Variants in CNTNAP2 observed in about 807,000 individuals in gnomAD.
The protein encoded by CNTNAP2 is contactin-associated protein-like 2.
CNTNAP2 carries 98 observed loss-of-function variants against 155.2 expected under a neutral mutation model. The ratio of observed to expected loss-of-function variants is 0.63; its 90% confidence interval spans 0.54 to 0.75. The LOEUF is 0.75. CNTNAP2 is among the 30% of genes least tolerant of loss of function. The pLI is 0.00. For missense variants in CNTNAP2, 1,727 were observed against 1,688.1 expected (o/e 1.02, Z -0.40); for synonymous variants, 651 against 631.2 (o/e 1.03, Z -0.47).
chr7:146,685,936 T>A (rs1800590258), intron 1 of CNTNAP2, among the ~76,000 whole-genome samples: 1 of 152,158 alleles, frequency 6.6e-6, no homozygotes, highest in Non-Finnish European at 1.5e-5. Context: ...GCAAATGTAT[T>A]TGGTTCTTCT....
intron 2 of CNTNAP2, among the ~76,000 whole-genome samples, chr7:146,807,866 T>C (rs771801946): frequency 6.6e-6 from 1 of 152,166 alleles, no homozygotes; most frequent in South Asian, 2.1e-4. Flanking sequence ...GTCTGCCCAC[T>C]CCTTCCTTTG....
Position 147,132,334 on chromosome 7 carries a change from C to G in CNTNAP2, c.1173C>G (p.Asn391Lys), listed in dbSNP as rs796052370. 3.1e-6 allele frequency: 5 copies of G among 1,613,616 alleles called. No homozygotes were observed. The highest frequency in any genetic ancestry group is 4.2e-6 in the Non-Finnish European group (5 of 1,179,822). Residue 391 changes from asparagine to lysine, a missense_variant, in exon 8 of 24, where the codon AAC (asparagine) becomes AAG (lysine). Physicochemically the swap from Asn to Lys is moderately conservative, Grantham distance 94. Transcript: ENST00000361727. ...ACCTGGAGGTGCCCGGACGGCTTAA[C>G]CAGGACCTGTTCTCAGTCAGTTTCC... The part of the protein sequence containing the change: ...TSYLEVPGRL[N>K]QDLFSVSFQF...
chr7:147,008,026 T>C (rs544175299), intron 3 of CNTNAP2, among the ~76,000 whole-genome samples: 2 of 152,306 alleles, frequency 1.3e-5, no homozygotes, highest in Non-Finnish European at 2.9e-5. Flanking sequence ...TAATACATTA[T>C]TGCATATCAA....
intron 1 of CNTNAP2, among the ~76,000 whole-genome samples, chr7:146,182,779 A>G (rs184628820): frequency 2.6e-5 from 4 of 152,280 alleles, no homozygotes; most frequent in Admixed American, 2.0e-4. Flanking sequence ...AGCCTCACAC[A>G]TCGAACTTCC....
In CNTNAP2 at chr7:146,647,510, T is replaced by C. The variant is rs115852706; in HGVS notation, c.98-126761T>C. ...TTGGTTGTTACTAGGCCATTAAAAA[T>C]CTTATAAAACATTAATTGTTTAATC... On this transcript the variant is annotated intron_variant, in intron 1 of 23. Transcript: ENST00000361727. 7.4e-3 allele frequency among the ~76,000 whole-genome samples: 1,129 copies of C among 152,266 alleles called. 10 individuals are homozygous for C. Among genetic ancestry groups the C allele is most frequent in the African/African-American group, 0.026 (1,075 of 41,564 alleles).
chr7:146,418,325 C>T (rs1795965554), intron 1 of CNTNAP2, among the ~76,000 whole-genome samples: 1 of 152,018 alleles, frequency 6.6e-6, no homozygotes, highest in Admixed American at 6.6e-5. Context: ...ACTTGACCTC[C>T]CTTAAATAAC....
At chr7:147,636,316 A>G (rs1356049530) in intron 12 of CNTNAP2, among the ~76,000 whole-genome samples, 1 of 152,208 alleles carries the variant, frequency 6.6e-6, no homozygotes, top group Non-Finnish European at 1.5e-5. Context: ...TAGAAGATGA[A>G]GTCACTTGTC....
chr7:146,490,686 C>A (rs1245063139), intron 1 of CNTNAP2, among the ~76,000 whole-genome samples: 1 of 152,106 alleles, frequency 6.6e-6, no homozygotes, highest in Non-Finnish European at 1.5e-5. Context: ...TTTGTTAATA[C>A]ATAATTGATT....
chr7:147,893,057 A>G (rs919246375), intron 13 of CNTNAP2, among the ~76,000 whole-genome samples: 2 of 152,184 alleles, frequency 1.3e-5, no homozygotes, highest in African/African-American at 4.8e-5. Flanking sequence ...ACTCCACAGG[A>G]TTTTATCTTG....
In CNTNAP2 at chr7:146,864,925, G is replaced by C. The variant is rs574098573; in HGVS notation, c.402+25021G>C. Among the ~76,000 whole-genome samples the C allele has an allele frequency of 5.3e-4, 78 of 147,174 alleles. 6 individuals carry two copies. The South Asian group carries it at 0.016, about 30-fold the overall frequency. On this transcript the variant is annotated intron_variant, in intron 3 of 23. Coordinates refer to ENST00000361727, the MANE Select transcript of CNTNAP2 (RefSeq NM_014141.6). ...AGGTAGGAAGCTCATTTGCTCCCAG[G>C]AGTTCAAGGTTGCAGTGAGGTATGA...
chr7:146,563,184 T>C (rs1461555146), intron 1 of CNTNAP2, among the ~76,000 whole-genome samples: 2 of 152,204 alleles, frequency 1.3e-5, no homozygotes, highest in Non-Finnish European at 2.9e-5. Flanking sequence ...CACAGCCAAA[T>C]GTTTTGTTTC....
At chr7:148,117,237 G>T (rs902957417) in intron 15 of CNTNAP2, among the ~76,000 whole-genome samples, 2 of 152,180 alleles carry the variant, frequency 1.3e-5, no homozygotes, top group African/African-American at 2.4e-5. Context: ...AAGGACAGAG[G>T]CTGGCTGAGA....
At chr7:148,010,316 T>C (rs73466144) in intron 15 of CNTNAP2, among the ~76,000 whole-genome samples, 3,577 of 151,840 alleles carry the variant, frequency 0.024, 165 homozygotes, top group African/African-American at 0.081. Flanking sequence ...TGTCTTGTCT[T>C]TTTATTTGAA....
chr7:148,076,422 CTTTTTTTTTTTTTTTTT>C (rs771048326), intron 15 of CNTNAP2, among the ~76,000 whole-genome samples: 6 of 49,804 alleles, frequency 1.2e-4, no homozygotes, highest in East Asian at 8.0e-4. Context: ...GCTCTGACTT[CTTTTTTTTTTTTTTTTT>C]TTTTTTTTTT....
chr7:148,270,690 G>C (rs1025966407), intron 21 of CNTNAP2, among the ~76,000 whole-genome samples: 1 of 152,200 alleles, frequency 6.6e-6, no homozygotes, highest in Non-Finnish European at 1.5e-5. Flanking sequence ...AGTAAGATTC[G>C]CACAGAGGTG....
intron 1 of CNTNAP2, among the ~76,000 whole-genome samples, chr7:146,529,668 C>T (rs1212464879): frequency 6.6e-6 from 1 of 151,850 alleles, no homozygotes; most frequent in Non-Finnish European, 1.5e-5. Flanking sequence ...ACTGAACTGG[C>T]TAATATTAAA....
At chr7:147,310,112 A>C (rs951637039) in intron 9 of CNTNAP2, among the ~76,000 whole-genome samples, 19 of 152,166 alleles carry the variant, frequency 1.2e-4, no homozygotes, top group African/African-American at 4.6e-4. Flanking sequence ...AAGATTCCCA[A>C]GACTTTTTTT....
intron 10 of CNTNAP2, among the ~76,000 whole-genome samples, chr7:147,439,577 G>C (rs1233097557): frequency 6.6e-6 from 1 of 151,874 alleles, no homozygotes; most frequent in Non-Finnish European, 1.5e-5. Context: ...GAAATGTTCT[G>C]TAAATATTTA....
chr7:146,166,570 T>TA (rs1798315797), intron 1 of CNTNAP2, among the ~76,000 whole-genome samples: 1 of 152,324 alleles, frequency 6.6e-6, no homozygotes, highest in South Asian at 2.1e-4. Flanking sequence ...GAAATACACT[T>TA]AAAAATTTTC....
Sources: allele counts gnomAD v4.1 joint callset (sites outside exome capture counted in the v4.1 genomes callset), GRCh38; gene constraint gnomAD v4.1.1; transcripts MANE v1.5; gene names NCBI Gene and HGNC (gene_info 2026-07-23, HGNC 2026-07-21).